DSCAM: variants seen among roughly 807,000 people sequenced by gnomAD.
DSCAM encodes the protein DS cell adhesion molecule.
A neutral mutation model predicts 217.7 loss-of-function variants in DSCAM; 47 were observed. The observed-to-expected ratio is 0.22, with a 90% CI of 0.17 to 0.28. The LOEUF (loss-of-function observed/expected upper bound fraction) is 0.28. DSCAM is among the 10% of genes least tolerant of loss of function. DSCAM has a pLI of 1.00. For synonymous variants in DSCAM, 1,056 were observed against 1,015.3 expected (o/e 1.04, Z -0.76); for missense variants, 2,080 against 2,618.3 (o/e 0.79, Z 4.49).
chr21:40,343,643 TACAC>T (rs570665164), intron 6 of DSCAM, among the ~76,000 whole-genome samples: 7 of 150,858 alleles, frequency 4.6e-5, no homozygotes, highest in Non-Finnish European at 7.4e-5. Flanking sequence ...CCAATTGATT[TACAC>T]ACACACACAC....
chr21:40,708,166 T>G (rs1178597843), intron 2 of DSCAM, among the ~76,000 whole-genome samples: 1 of 152,178 alleles, frequency 6.6e-6, no homozygotes, highest in Non-Finnish European at 1.5e-5. Context: ...TTTGAGACAC[T>G]GAAAATTTGA....
chr21:40,097,964 AAGAAAGAAAG>A (rs1568939072), intron 20 of DSCAM, among the ~76,000 whole-genome samples: 3,970 of 71,262 alleles, frequency 0.056, 825 homozygotes, highest in East Asian at 0.13. Flanking sequence ...AAAAGAAAGA[AAGAAAGAAAG>A]AAAGAAAGAA....
chr21:40,508,754 T>C (rs2076230582), intron 3 of DSCAM, among the ~76,000 whole-genome samples: 1 of 4,812 alleles, frequency 2.1e-4, no homozygotes, highest in African/African-American at 8.7e-4. Flanking sequence ...TATATATATA[T>C]ATATATATAT....
At chr21:40,267,649 CAT>C (rs2073557535) in intron 11 of DSCAM, among the ~76,000 whole-genome samples, 1 of 152,174 alleles carries the variant, frequency 6.6e-6, no homozygotes, top group East Asian at 1.9e-4. Flanking sequence ...GTAATCCCAA[CAT>C]TTTGGGAGGC....
At chr21:40,330,415 T>TAC (rs975880895) in intron 8 of DSCAM, among the ~76,000 whole-genome samples, 1 of 147,600 alleles carries the variant, frequency 6.8e-6, no homozygotes, top group Non-Finnish European at 1.5e-5. Context: ...CATATATATA[T>TAC]ATATAGCATT....
intron 16 of DSCAM, among the ~76,000 whole-genome samples, chr21:40,155,898 C>G (rs1194155861): frequency 6.6e-6 from 1 of 151,462 alleles, no homozygotes; most frequent in Non-Finnish European, 1.5e-5. Context: ...GAAACAGGCC[C>G]TTTCCACTGG....
At chr21:40,286,442 C>G (rs2073824865) in intron 10 of DSCAM, among the ~76,000 whole-genome samples, 1 of 152,148 alleles carries the variant, frequency 6.6e-6, no homozygotes, top group Non-Finnish European at 1.5e-5. Context: ...GCATACAGAG[C>G]AGGACAAAGG....
rs1888505 is a variant in DSCAM, at chr21:40,527,755, C to T, written c.509-158510G>A. Among the ~76,000 whole-genome samples the T allele has an allele frequency of 9.5e-3, 1,446 of 152,314 alleles. 31 individuals are homozygous for T. Among genetic ancestry groups the T allele is most frequent in the African/African-American group, 0.032 (1,333 of 41,570 alleles). On this transcript the variant is annotated intron_variant, in intron 3 of 32. Transcript: ENST00000400454. Reference sequence around the variant, plus strand: ...GAATAAATCCAGTATAATTATATTGCAGTGCCTGTTTCTGCTGTCATTGCT... The same window carrying T: ...GAATAAATCCAGTATAATTATATTGTAGTGCCTGTTTCTGCTGTCATTGCT...
chr21:40,646,967 T>C (rs1284226173), intron 3 of DSCAM, among the ~76,000 whole-genome samples: 1 of 152,250 alleles, frequency 6.6e-6, no homozygotes, highest in African/African-American at 2.4e-5. Context: ...CTCTATACTT[T>C]CTTGCCAAGA....
chr21:40,804,289 T>C (rs2091767654), intron 1 of DSCAM, among the ~76,000 whole-genome samples: 1 of 151,972 alleles, frequency 6.6e-6, no homozygotes, highest in African/African-American at 2.4e-5. Flanking sequence ...CAGAAGGTTG[T>C]TTTTCCAGAG....
chr21:40,810,116 A>C (rs112826215), intron 1 of DSCAM, among the ~76,000 whole-genome samples: 13 of 152,350 alleles, frequency 8.5e-5, no homozygotes, highest in African/African-American at 3.1e-4. Context: ...TTGCAGACAA[A>C]GAAGAGGGCT....
chr21:40,235,250 A>G (rs2091416396), intron 11 of DSCAM, among the ~76,000 whole-genome samples: 2 of 152,204 alleles, frequency 1.3e-5, no homozygotes, highest in Non-Finnish European at 2.9e-5. Context: ...GACTCAAAAC[A>G]GACAGTGGTT....
At chr21:40,596,884 G>A (rs894484080) in intron 3 of DSCAM, among the ~76,000 whole-genome samples, 1 of 144,990 alleles carries the variant, frequency 6.9e-6, no homozygotes, top group Admixed American at 6.8e-5. Context: ...ATATATATAT[G>A]CTCATGTTCC....
At chr21:40,281,357 T>C (rs1279280100) in intron 10 of DSCAM, among the ~76,000 whole-genome samples, 1 of 152,206 alleles carries the variant, frequency 6.6e-6, no homozygotes, top group African/African-American at 2.4e-5. Context: ...TTTTTAATTA[T>C]TTAATAATTT....
chr21:40,335,579 A>G (rs2074422128), intron 8 of DSCAM, among the ~76,000 whole-genome samples: 1 of 152,202 alleles, frequency 6.6e-6, no homozygotes, highest in East Asian at 1.9e-4. Context: ...AAAGTATTAT[A>G]CCTATTTATC....
chr21:40,728,470 G>A (rs1302446289), intron 1 of DSCAM, among the ~76,000 whole-genome samples: 1 of 151,574 alleles, frequency 6.6e-6, no homozygotes, highest in Non-Finnish European at 1.5e-5. Flanking sequence ...CCAGGCTGGA[G>A]GGCAGTGGTG....
At chr21:40,651,653 T>C (rs2146360826) in intron 3 of DSCAM, among the ~76,000 whole-genome samples, 1 of 152,310 alleles carries the variant, frequency 6.6e-6, no homozygotes, top group South Asian at 2.1e-4. Context: ...TGTTGGAAAC[T>C]CAGTTTCACC....
At chr21:40,323,012 A>G (rs1277162831) in intron 8 of DSCAM, among the ~76,000 whole-genome samples, 3 of 152,124 alleles carry the variant, frequency 2.0e-5, no homozygotes. Flanking sequence ...AGATTGTCTC[A>G]GCTGCAGAGG....
At chr21:40,442,518 T>G (rs1008473357) in intron 3 of DSCAM, among the ~76,000 whole-genome samples, 2 of 21,158 alleles carry the variant, frequency 9.5e-5, no homozygotes, top group African/African-American at 2.4e-4. Context: ...TTTTTTTTTG[T>G]TTTTTTTTTT....
Sources: allele counts gnomAD v4.1 joint callset (sites outside exome capture counted in the v4.1 genomes callset), GRCh38; gene constraint gnomAD v4.1.1; transcripts MANE v1.5; gene names NCBI Gene and HGNC (gene_info 2026-07-23, HGNC 2026-07-21).